Variants in PLEKHA4 observed in about 807,000 individuals in gnomAD.
PLEKHA4 encodes pleckstrin homology domain-containing family A member 4.
In PLEKHA4, 73 loss-of-function variants were observed where a neutral mutation model predicts 94.7. The ratio of observed to expected loss-of-function variants is 0.77; its 90% CI spans 0.64 to 0.94. The LOEUF (loss-of-function observed/expected upper bound fraction) is 0.94, where lower values mean the gene tolerates loss of function less well. Ranked by LOEUF, PLEKHA4 falls within the 40% of genes least tolerant of loss-of-function variation. The pLI, the probability that PLEKHA4 is intolerant of heterozygous loss-of-function variation, is 0.00. For synonymous variants in PLEKHA4, 449 were observed against 437.1 expected, an observed-to-expected ratio of 1.03 and a Z score of -0.34; for missense variants, 1,049 against 1,054.1, an observed-to-expected ratio of 1.00 and a Z score of 0.07.
In PLEKHA4 at chr19:48,867,479, G is replaced by A; in HGVS notation, c.84+58C>T. 1.3e-6 allele frequency: 2 copies of A among 1,534,558 alleles called. No homozygotes were observed. Among genetic ancestry groups the A allele is most frequent in the Non-Finnish European group, 1.8e-6 (2 of 1,133,110 alleles). ...AACAACCAGAGTCCTTGGGGAAACA[G>A]AAGGATGGGCGGCCCAGAGCCCCAC... is the stretch of plus-strand genomic sequence containing the variant. On this transcript the variant is annotated intron_variant, in intron 2 of 19. Transcript: ENST00000263265. This position sits in a 1 kb window ranked among gnomAD's most constrained non-coding sequence, Gnocchi z 4.7.
Position 48,837,909 on chromosome 19 carries a change from A to G in PLEKHA4, c.2077+108T>C. Reference sequence around the variant, plus strand: ...TGCCCAACTCTTTACTCACCAAGATAAAAAATTCTCACCGGCCCCCAGACC... The same window carrying G: ...TGCCCAACTCTTTACTCACCAAGATGAAAAATTCTCACCGGCCCCCAGACC... On this transcript the variant is annotated intron_variant, in intron 19 of 19. Transcript: ENST00000263265. This position sits in a 1 kb window ranked among gnomAD's most constrained non-coding sequence, Gnocchi z 4.3. 1.1e-6 allele frequency: 1 copy of G among 902,246 alleles called. No homozygotes were observed. Among genetic ancestry groups the G allele is most frequent in the Non-Finnish European group, 1.7e-6 (1 of 575,428 alleles). The allele number at this position is 902,246 out of a possible 1,614,324, so 55.9% of individuals were successfully genotyped here.
intron 16 of PLEKHA4, chr19:48,845,164 T>C (rs1415850661): frequency 5.7e-6 from 3 of 528,994 alleles, no homozygotes; most frequent in Non-Finnish European, 1.0e-5. Context: ...GAAGAAAAAA[T>C]GAAGGCACAG....
intron 3 of PLEKHA4, among the ~76,000 whole-genome samples, 192 bp from the exon 4 acceptor site, chr19:48,861,884 G>C (rs1265437433): frequency 6.6e-6 from 1 of 151,826 alleles, no homozygotes; most frequent in South Asian, 2.1e-4. Context: ...CCAGCACTTA[G>C]AGAGGCCAAG....
intron 9 of PLEKHA4, among the ~76,000 whole-genome samples, chr19:48,854,793 A>C (rs1211861415): frequency 1.5e-5 from 2 of 133,922 alleles, no homozygotes; most frequent in Non-Finnish European, 3.0e-5. Flanking sequence ...TTGAACTCTT[A>C]GGCTCAAAGG....
chr19:48,862,401 A>G (rs1290798072), intron 3 of PLEKHA4, among the ~76,000 whole-genome samples: 4 of 151,144 alleles, frequency 2.6e-5, no homozygotes, highest in South Asian at 2.1e-4. Context: ...GGGTTTCACT[A>G]TGTTGGCCAG....
chr19:48,841,213 G>T lies in PLEKHA4; in HGVS notation c.1841C>A (p.Pro614His), dbSNP rs373304202. The change falls in exon 17 of 20, where the codon CCC (proline) becomes CAC (histidine). Residue 614 changes from proline to histidine, a missense_variant. Transcript: ENST00000263265. ...CGRPFPRPTS[P>H]RLLTLGRTLS... ...TGTCCTTCCCAGGGTGAGAAGCCGG[G>T]GGGAGGTCGGGCGAGGGAAGGGCCG... is the stretch of plus-strand genomic sequence containing the variant. 9 of 1,613,166 alleles carry T rather than the reference G, an allele frequency of 5.6e-6. No homozygotes were observed. The highest frequency in any genetic ancestry group is 1.3e-5 in the African/African-American group (1 of 74,916).
chr19:48,850,355 T>C (rs1009746567), intron 13 of PLEKHA4, among the ~76,000 whole-genome samples: 2 of 149,952 alleles, frequency 1.3e-5, no homozygotes, highest in African/African-American at 4.9e-5. Flanking sequence ...AATACAAAAA[T>C]TAGCTGGGCA....
chr19:48,850,530 T>C (rs1451360925), intron 13 of PLEKHA4, among the ~76,000 whole-genome samples: 2 of 147,230 alleles, frequency 1.4e-5, no homozygotes, highest in Non-Finnish European at 3.0e-5. Flanking sequence ...AAATAAAAAA[T>C]AGAAGGGCTG....
Position 48,837,384 on chromosome 19 carries a change from C to T in PLEKHA4, c.2245G>A (p.Gly749Arg). 1 of 1,613,760 alleles carries T rather than the reference C, an allele frequency of 6.2e-7. No individual in the cohort carries two copies. Among genetic ancestry groups the T allele is most frequent in the Admixed American group, 1.7e-5 (1 of 59,986 alleles). The change falls in exon 20 of 20, where the codon GGG becomes AGG. Residue 749 changes from glycine (G) to arginine (R), a missense_variant. Gly to Arg is a moderately radical substitution (Grantham distance 125). Transcript: ENST00000263265. The surrounding 1 kb of genome is among the most constrained non-coding windows in gnomAD (Gnocchi z 4.3). ...GCGATCCCGGCATCCCACGCGGGCCCCCAGGGGGTGGGACCTCCTCCACGC... is the reference window on the plus strand; with the variant it reads ...GCGATCCCGGCATCCCACGCGGGCCTCCAGGGGGTGGGACCTCCTCCACGC... Reference protein sequence around the residue: ...SGRGGGPTPWGPAWDAGIAPP... With the variant: ...SGRGGGPTPWRPAWDAGIAPP...
intron 7 of PLEKHA4, 163 bp downstream of exon 7, chr19:48,859,306 T>C: frequency 1.1e-6 from 1 of 910,426 alleles, no homozygotes; most frequent in Non-Finnish European, 1.7e-6. Context: ...GTCCGCTTTG[T>C]GGCATCTTCC....
At chr19:48,852,379 C>G (rs45506397) in intron 12 of PLEKHA4, 53 bp from the exon 13 acceptor site, 18,622 of 1,343,116 alleles carry the variant, frequency 0.014, 177 homozygotes, top group Non-Finnish European at 0.016. Context: ...CCACCAGATC[C>G]TTCCCCACCC....
Position 48,859,352 on chromosome 19 carries a change from C to T in PLEKHA4, c.692+117G>A, listed in dbSNP as rs1599919950. On this transcript the variant is annotated intron_variant, in intron 7 of 19. Coordinates refer to ENST00000263265, the MANE Select transcript of PLEKHA4 (RefSeq NM_020904.3). ...TCTCCCCGACAGGCTGTGACCCCCA[C>T]GGGAGCCCCAGCAAGTCACACACAC... is the stretch of plus-strand genomic sequence containing the variant. The T allele has an allele frequency of 3.5e-6, 4 of 1,131,788 alleles. No homozygotes were observed. The East Asian group carries it at 7.6e-5, about 22-fold the overall frequency. The allele number at this position is 1,131,788 out of a possible 1,614,324, so 70.1% of individuals were successfully genotyped here. A position where few individuals can be genotyped will look rare whatever the true frequency, so the allele number is the denominator to read the frequency against.
chr19:48,861,495 CG>C lies in PLEKHA4; in HGVS notation c.271del (p.Arg91AlafsTer6). 6.2e-7 allele frequency: 1 copy of C among 1,614,040 alleles called. No homozygotes were observed. Among genetic ancestry groups the C allele is most frequent in the Non-Finnish European group, 8.5e-7 (1 of 1,179,956 alleles). On this transcript the variant is annotated frameshift_variant, in exon 5 of 20. Coordinates refer to ENST00000263265, the MANE Select transcript of PLEKHA4 (RefSeq NM_020904.3). LOFTEE classifies it high-confidence loss of function. The part of the protein sequence containing the change: ...GHCLFYYKDS[R>X]EESVLGSVLL... The stretch of plus-strand genomic sequence containing the variant: ...GACGCTGCCTAGGACACTCTCCTCG[CG>C]GCTGTCTGCAAAGAGGGGCTGGGGT...
At chr19:48,851,998 G>A (rs1316055047) in intron 13 of PLEKHA4, among the ~76,000 whole-genome samples, 1 of 151,826 alleles carries the variant, frequency 6.6e-6, no homozygotes, top group East Asian at 1.9e-4. Context: ...TCGAGAAAAC[G>A]GCATTCAAAA....
rs548495848 is a variant in PLEKHA4 at position 48,855,863 on chromosome 19, T to A, written c.1047+1559A>T. Among the ~76,000 whole-genome samples, 8 of 151,680 alleles carry A rather than the reference T, an allele frequency of 5.3e-5. No individual in the cohort carries two copies. In the South Asian group the frequency reaches 1.7e-3, roughly 32 times the overall value. On this transcript the variant is annotated intron_variant, in intron 9 of 19. Transcript: ENST00000263265. ...GGGTAACATGGCAAAACCCTGTCTCTACAAAAAGTAGAAAAAGTTAGCTAG... is the reference window on the plus strand; with the variant it reads ...GGGTAACATGGCAAAACCCTGTCTCAACAAAAAGTAGAAAAAGTTAGCTAG...
chr19:48,840,307 C>T (rs2035711380), intron 17 of PLEKHA4, among the ~76,000 whole-genome samples: 1 of 151,240 alleles, frequency 6.6e-6, no homozygotes, highest in Non-Finnish European at 1.5e-5. Context: ...CCTAGCTACT[C>T]GGGAGGCTGA....
At chr19:48,844,669 TCAGCAACAGACA>T in intron 16 of PLEKHA4, 2 of 984,606 alleles carry the variant, frequency 2.0e-6, no homozygotes, top group African/African-American at 1.7e-5. Flanking sequence ...AACCAGCCAA[TCAGCAACAGACA>T]CAGAGCACAG....
At position 48,860,401 on chromosome 19, in the gene PLEKHA4, C is replaced by T. The variant is rs1330131742; in HGVS notation, c.425G>A (p.Arg142Gln). 1.9e-6 allele frequency: 3 copies of T among 1,614,116 alleles called. No individual in the cohort carries two copies. Among genetic ancestry groups the T allele is most frequent in the Non-Finnish European group, 2.5e-6 (3 of 1,180,040 alleles). The change falls in exon 6 of 20, where the codon CGG (arginine) becomes CAG (glutamine). Residue 142 changes from arginine to glutamine, a missense_variant. Physicochemically the swap from Arg to Gln is conservative, Grantham distance 43. Coordinates refer to ENST00000263265, the MANE Select transcript of PLEKHA4 (RefSeq NM_020904.3). ...CCGGCCCAGCGCCCGTAGCCAGCCCCGCAGGTCTTCTAAGGTGTCAGCGGC... is the reference window on the plus strand; with the variant it reads ...CCGGCCCAGCGCCCGTAGCCAGCCCTGCAGGTCTTCTAAGGTGTCAGCGGC... ...VLAADTLEDL[R>Q]GWLRALGRAS... is the part of the protein sequence containing the mutation.
Position 48,865,558 on chromosome 19 carries a change from G to T in PLEKHA4, c.137C>A (p.Ala46Glu), listed in dbSNP as rs556472997. ...GGGAAGGTTGGGATCCCTCCTGAGCGCATTGCCTCTCTTCCCAAAGGCGTG... is the reference window on the plus strand; with the variant it reads ...GGGAAGGTTGGGATCCCTCCTGAGCTCATTGCCTCTCTTCCCAAAGGCGTG... ...KIHAFGKRGN[A>E]LRRDPNLPVH... is the part of the protein sequence containing the mutation. Residue 46 changes from alanine (A) to glutamate (E), a missense_variant, in exon 3 of 20, where the codon GCG becomes GAG. Coordinates refer to ENST00000263265, the MANE Select transcript of PLEKHA4 (RefSeq NM_020904.3). 1.2e-6 allele frequency: 2 copies of T among 1,614,002 alleles called. No homozygotes were observed. Among genetic ancestry groups the T allele is most frequent in the South Asian group, 1.1e-5 (1 of 91,074 alleles).
Sources: allele counts gnomAD v4.1 joint callset (sites outside exome capture counted in the v4.1 genomes callset), GRCh38; gene constraint gnomAD v4.1.1; non-coding constraint Gnocchi (gnomAD v3.1); transcripts MANE v1.5; gene names NCBI Gene and HGNC (gene_info 2026-07-23, HGNC 2026-07-21).